The following NUMB variants were observed in gnomAD, a reference collection of about 807,000 sequenced individuals.
The protein encoded by NUMB is protein numb homolog.
Under a neutral mutation model 59.7 loss-of-function variants are expected in NUMB, and 29 were observed. That is an observed-to-expected ratio of 0.49 (90% CI 0.36 to 0.66). The LOEUF (loss-of-function observed/expected upper bound fraction) is 0.66. Ranked by LOEUF, NUMB falls within the 30% of genes least tolerant of loss-of-function variation. NUMB has a pLI of 0.00. For missense variants in NUMB, 723 were observed against 822.0 expected, an observed-to-expected ratio of 0.88 and a Z score of 1.47; for synonymous variants, 288 against 288.2, an observed-to-expected ratio of 1.00 and a Z score of 0.01.
chr14:73,335,279 G>A, intron 4 of NUMB, among the ~76,000 whole-genome samples: 1 of 122,218 alleles, frequency 8.2e-6, no homozygotes, highest in Non-Finnish European at 1.6e-5. Context: ...GTCACATATA[G>A]CTATTTATGC....
chr14:73,413,019 A>T (rs993244694), intron 1 of NUMB, among the ~76,000 whole-genome samples: 4 of 152,124 alleles, frequency 2.6e-5, no homozygotes, highest in Non-Finnish European at 4.4e-5. Context: ...AAAGAGTAGT[A>T]AAATAAAACA....
chr14:73,442,116 G>A (rs1261529351), intron 1 of NUMB, among the ~76,000 whole-genome samples: 5 of 151,400 alleles, frequency 3.3e-5, no homozygotes, highest in Admixed American at 1.3e-4. Context: ...TTGGGAGGCC[G>A]AGGCAGGAGA....
intron 2 of NUMB, among the ~76,000 whole-genome samples, chr14:73,398,987 TATTA>T (rs1896281069): frequency 6.6e-6 from 1 of 152,192 alleles, no homozygotes; most frequent in Non-Finnish European, 1.5e-5. Flanking sequence ...AGGTATCAAT[TATTA>T]GAGAAACATA....
intron 2 of NUMB, among the ~76,000 whole-genome samples, chr14:73,408,213 C>A (rs1167615060): frequency 1.4e-5 from 2 of 140,728 alleles, no homozygotes; most frequent in African/African-American, 2.7e-5. Flanking sequence ...GGCGACAGAG[C>A]AAGACTCCGT....
chr14:73,293,787 A>G (rs1322956189), intron 7 of NUMB, among the ~76,000 whole-genome samples: 1 of 152,240 alleles, frequency 6.6e-6, no homozygotes, highest in East Asian at 1.9e-4. Flanking sequence ...TATAGTTATA[A>G]TGCCTTCTAT....
At chr14:73,316,232 C>T (rs978391124) in intron 6 of NUMB, among the ~76,000 whole-genome samples, 158 bp downstream of exon 6, 4 of 152,132 alleles carry the variant, frequency 2.6e-5, no homozygotes, top group African/African-American at 7.2e-5. Flanking sequence ...GATAATATCA[C>T]GGATAGTAAC....
intron 2 of NUMB, among the ~76,000 whole-genome samples, chr14:73,372,965 T>C (rs1196487252): frequency 6.6e-6 from 1 of 152,184 alleles, no homozygotes; most frequent in Non-Finnish European, 1.5e-5. Context: ...TGTTTATACT[T>C]TTAGGGTTTT....
chr14:73,356,475 T>A (rs1177578219), intron 3 of NUMB, among the ~76,000 whole-genome samples: 2 of 152,080 alleles, frequency 1.3e-5, no homozygotes, highest in African/African-American at 4.8e-5. Flanking sequence ...AAACCCCGCC[T>A]CTACTAAAAC....
chr14:73,300,503 T>C lies in NUMB; in HGVS notation c.235-3218A>G, dbSNP rs186578480. Among the ~76,000 whole-genome samples, 43 of 152,320 alleles carry C rather than the reference T, an allele frequency of 2.8e-4. 1 individual carries two copies. The highest frequency in any genetic ancestry group is 4.4e-5 in the Non-Finnish European group (3 of 68,026). Reference sequence around the variant, plus strand: ...GAACAGTAGTATGGAGGCAGTCTAGTACGGTGACTAGGAACCAAGCTGTTG... The same window carrying C: ...GAACAGTAGTATGGAGGCAGTCTAGCACGGTGACTAGGAACCAAGCTGTTG... On this transcript the variant is annotated intron_variant, in intron 6 of 12. Coordinates refer to ENST00000555238, the MANE Select transcript of NUMB (RefSeq NM_001005743.2).
intron 1 of NUMB, among the ~76,000 whole-genome samples, chr14:73,429,216 A>T (rs865952803): frequency 1.1e-4 from 16 of 152,016 alleles, no homozygotes; most frequent in African/African-American, 3.1e-4. Context: ...CTCAAAATAC[A>T]AAAAAATTAG....
chr14:73,390,212 A>G (rs1895772852), intron 2 of NUMB, among the ~76,000 whole-genome samples: 1 of 152,228 alleles, frequency 6.6e-6, no homozygotes, highest in South Asian at 2.1e-4. Flanking sequence ...AAATGGGAAC[A>G]AGTTGAATAG....
chr14:73,276,562 T>C lies in NUMB; in HGVS notation c.*16A>G, dbSNP rs771754970. On this transcript the variant is annotated 3_prime_UTR_variant, in exon 13 of 13. Coordinates refer to ENST00000555238, the MANE Select transcript of NUMB (RefSeq NM_001005743.2). ...CCCTGTCTGGTATGGACAAGATACA[T>C]AGCCATAATGATTGCTTAAAGTTCA... 10 of 1,596,968 alleles carry C rather than the reference T, an allele frequency of 6.3e-6. No homozygotes were observed. Among genetic ancestry groups the C allele is most frequent in the African/African-American group, 1.3e-5 (1 of 74,560 alleles).
rs1888438850 is a variant in NUMB at position 73,279,308 on chromosome 14, TAGC to T, written c.1210_1212del (p.Ala404del). 3.7e-6 allele frequency: 6 copies of T among 1,614,196 alleles called. No homozygotes were observed. Among genetic ancestry groups the T allele is most frequent in the Non-Finnish European group, 5.1e-6 (6 of 1,180,012 alleles). On this transcript the variant is annotated inframe_deletion, in exon 12 of 13. Transcript: ENST00000555238. The stretch of plus-strand genomic sequence containing the variant: ...GAACATGTGGCTGCAATTTCCTTGT[TAGC>T]AGCATCAGGGGCATGGGCCCAAGGG...
At chr14:73,379,840 A>G (rs1895143985) in intron 2 of NUMB, among the ~76,000 whole-genome samples, 1 of 152,168 alleles carries the variant, frequency 6.6e-6, no homozygotes, top group Non-Finnish European at 1.5e-5. Context: ...TTGGAAAGAA[A>G]GCCGAATGTT....
At chr14:73,404,055 C>T (rs1027340018) in intron 2 of NUMB, among the ~76,000 whole-genome samples, 5 of 144,384 alleles carry the variant, frequency 3.5e-5, no homozygotes, top group East Asian at 2.0e-4. Context: ...ATCACCTGAG[C>T]GACAGAGCAA....
At chr14:73,438,224 T>C (rs1436479287) in intron 1 of NUMB, among the ~76,000 whole-genome samples, 2 of 152,212 alleles carry the variant, frequency 1.3e-5, no homozygotes, top group African/African-American at 4.8e-5. Flanking sequence ...TATTTAGCAA[T>C]ATTCATTGTG....
At chr14:73,342,120 C>T (rs1304470594) in intron 4 of NUMB, among the ~76,000 whole-genome samples, 1 of 152,220 alleles carries the variant, frequency 6.6e-6, no homozygotes, top group Non-Finnish European at 1.5e-5. Context: ...TGGTCTCAAA[C>T]CCCTGGGCCC....
intron 6 of NUMB, among the ~76,000 whole-genome samples, chr14:73,300,306 AAAGTGAGGCCGAGTAGAGATG>A: frequency 6.6e-6 from 1 of 152,208 alleles, no homozygotes; most frequent in East Asian, 1.9e-4. Flanking sequence ...ATGGAGGGAT[AAAGTGAGGCCGAGTAGAGATG>A]AAGACAGATT....
At chr14:73,430,004 C>T (rs1268740519) in intron 1 of NUMB, among the ~76,000 whole-genome samples, 1 of 151,556 alleles carries the variant, frequency 6.6e-6, no homozygotes, top group Non-Finnish European at 1.5e-5. Flanking sequence ...TCAACCTATA[C>T]TGCATTTACA....
Sources: gnomAD v4.1 joint callset for allele counts (sites outside exome capture counted in the v4.1 genomes callset) on GRCh38, gnomAD v4.1.1 for gene constraint, MANE v1.5 for transcripts, NCBI Gene and HGNC (gene_info 2026-07-23, HGNC 2026-07-21) for gene names.